ARHGAP15: variants seen among roughly 807,000 people sequenced by gnomAD.
ARHGAP15 encodes Rho GTPase activating protein 15, also known as rho GTPase-activating protein 15.
A neutral mutation model predicts 63.7 loss-of-function variants in ARHGAP15; 51 were observed. The ratio of observed to expected loss-of-function variants is 0.80; its 90% CI spans 0.64 to 1.01. The LOEUF (loss-of-function observed/expected upper bound fraction) is 1.01, where lower values mean the gene tolerates loss of function less well. Among genes scored for constraint, ARHGAP15 ranks in the 50% least tolerant of loss-of-function variants. ARHGAP15 has a pLI of 0.00. For missense variants in ARHGAP15, 560 were observed against 564.6 expected (o/e 0.99, Z 0.08); for synonymous variants, 191 against 193.8 (o/e 0.99, Z 0.12).
chr2:143,363,280 C>T (rs1460797261), intron 6 of ARHGAP15, among the ~76,000 whole-genome samples: 1 of 152,178 alleles, frequency 6.6e-6, no homozygotes, highest in Non-Finnish European at 1.5e-5. Flanking sequence ...GTGGCTTATG[C>T]CTCTAATCCC....
chr2:143,461,308 AG>A (rs1295736927), intron 8 of ARHGAP15, among the ~76,000 whole-genome samples: 1,636 of 147,088 alleles, frequency 0.011, 23 homozygotes, highest in Non-Finnish European at 0.02. Context: ...AAAAAAAAAC[AG>A]AACTCAAGCC....
At chr2:143,168,663 G>A (rs745679912) in intron 2 of ARHGAP15, among the ~76,000 whole-genome samples, 6 of 150,100 alleles carry the variant, frequency 4.0e-5, no homozygotes, top group Non-Finnish European at 9.0e-5. Flanking sequence ...AACTTGAAGA[G>A]ACGCTACTTT....
At chr2:143,750,728 G>A (rs1311028506) in intron 13 of ARHGAP15, among the ~76,000 whole-genome samples, 6 of 152,166 alleles carry the variant, frequency 3.9e-5, no homozygotes, top group Admixed American at 2.0e-4. Flanking sequence ...ACTGCAAGCC[G>A]TTTGCAACAG....
intron 12 of ARHGAP15, among the ~76,000 whole-genome samples, chr2:143,693,077 G>A (rs185149102): frequency 3.9e-5 from 6 of 151,984 alleles, no homozygotes; most frequent in Admixed American, 2.6e-4. Context: ...ATCCAGACTC[G>A]GGAATCTGGT....
At chr2:143,345,139 T>TG (rs1370016512) in intron 6 of ARHGAP15, among the ~76,000 whole-genome samples, 1 of 152,128 alleles carries the variant, frequency 6.6e-6, no homozygotes, top group Non-Finnish European at 1.5e-5. Flanking sequence ...TATTAGCAAG[T>TG]GGATTTATTT....
intron 8 of ARHGAP15, among the ~76,000 whole-genome samples, chr2:143,464,748 T>C (rs1691120701): frequency 6.6e-6 from 1 of 152,156 alleles, no homozygotes; most frequent in Admixed American, 6.6e-5. Context: ...TTATAGGCTG[T>C]ACCCTCATAA....
intron 6 of ARHGAP15, among the ~76,000 whole-genome samples, chr2:143,320,350 C>T (rs12475517): frequency 0.23 from 33,728 of 146,334 alleles, 4,388 homozygotes; most frequent in East Asian, 0.45. Flanking sequence ...CTAAAATGGC[C>T]GCAATGGGAA....
At position 143,519,279 on chromosome 2, in the gene ARHGAP15, C is replaced by T. The variant is rs147986323; in HGVS notation, c.840C>T (p.Gly280=). 1 of 1,612,562 alleles carries T rather than the reference C, an allele frequency of 6.2e-7. No homozygotes were observed. The highest frequency in any genetic ancestry group is 2.2e-5 in the East Asian group (1 of 44,810). The stretch of plus-strand genomic sequence containing the variant: ...TTTCTTTTGCAGATCAAATTTTTGG[C>T]TCTCATCTGCACAAAGTGTGTGAAC... ...EKGLIKDQIF[G]SHLHKVCERE... Residue 280 remains glycine (G), a synonymous_variant, in exon 10 of 14, where the codon GGC becomes GGT. Coordinates refer to ENST00000295095, the MANE Select transcript of ARHGAP15 (RefSeq NM_018460.4).
At chr2:143,377,982 CAG>C (rs1012479679) in intron 6 of ARHGAP15, among the ~76,000 whole-genome samples, 11 of 152,116 alleles carry the variant, frequency 7.2e-5, no homozygotes, top group African/African-American at 2.6e-4. Flanking sequence ...TTAATACACT[CAG>C]AATGTCATAA....
rs1558825544 is a variant in ARHGAP15 at position 143,225,831 on chromosome 2, G to A, written c.297-2750G>A. ...GCATAAACTAGATGATCAGGTTTAC[G>A]CTAGGTATTCTAAATAATTTATGCT... On this transcript the variant is annotated intron_variant, in intron 4 of 13. Coordinates refer to ENST00000295095, the MANE Select transcript of ARHGAP15 (RefSeq NM_018460.4). Among the ~76,000 whole-genome samples the A allele has an allele frequency of 3.3e-5, 5 of 152,160 alleles. No homozygotes were observed. In the South Asian group the frequency reaches 1.0e-3, roughly 32 times the overall value.
intron 1 of ARHGAP15, among the ~76,000 whole-genome samples, chr2:143,153,882 C>CTCCTCCTCCTCT (rs1689972791): frequency 1.2e-5 from 1 of 80,682 alleles, no homozygotes; most frequent in Non-Finnish European, 2.9e-5. Flanking sequence ...CTTCCTCCTC[C>CTCCTCCTCCTCT]TCCTCCTCCT....
chr2:143,259,472 CTT>C (rs1680603548), intron 6 of ARHGAP15, among the ~76,000 whole-genome samples: 1 of 152,098 alleles, frequency 6.6e-6, no homozygotes, highest in Admixed American at 6.6e-5. Flanking sequence ...CAAATTTGTC[CTT>C]TTACTAAAGT....
chr2:143,377,256 A>G (rs1041172581), intron 6 of ARHGAP15, among the ~76,000 whole-genome samples: 1 of 152,044 alleles, frequency 6.6e-6, no homozygotes, highest in Non-Finnish European at 1.5e-5. Flanking sequence ...GTAGGAAGAA[A>G]CTTTAGTGAT....
chr2:143,554,458 T>C (rs959268417), intron 10 of ARHGAP15, among the ~76,000 whole-genome samples: 9 of 152,080 alleles, frequency 5.9e-5, no homozygotes, highest in African/African-American at 2.2e-4. Context: ...CTGAGGGTGA[T>C]TTTAGAGAAG....
At chr2:143,733,199 T>A (rs769580806) in intron 13 of ARHGAP15, among the ~76,000 whole-genome samples, 2 of 152,240 alleles carry the variant, frequency 1.3e-5, no homozygotes, top group Non-Finnish European at 2.9e-5. Context: ...GAGTACTTAT[T>A]ATCAAATCGT....
At chr2:143,542,344 C>A (rs977968416) in intron 10 of ARHGAP15, among the ~76,000 whole-genome samples, 2 of 151,826 alleles carry the variant, frequency 1.3e-5, no homozygotes, top group Admixed American at 6.6e-5. Flanking sequence ...CGATGCCTCG[C>A]CCTGCTTCGG....
intron 10 of ARHGAP15, among the ~76,000 whole-genome samples, chr2:143,540,965 A>G (rs1695020477): frequency 6.6e-6 from 1 of 152,204 alleles, no homozygotes; most frequent in Non-Finnish European, 1.5e-5. Context: ...AATATCCTGC[A>G]GAGTGTTTTC....
In ARHGAP15 at chr2:143,372,180, A is replaced by C. The variant is rs184135369; in HGVS notation, c.475-63421A>C. Among the ~76,000 whole-genome samples, 13 of 151,826 alleles carry C rather than the reference A, an allele frequency of 8.6e-5. No individual in the cohort carries two copies. In the East Asian group the frequency reaches 2.5e-3, roughly 29 times the overall value. Reference sequence around the variant, plus strand: ...ATAGTGAAACCCCATCTCTACGAAAAATAGAGAAAAAAATAGCCAGGCATG... The same window carrying C: ...ATAGTGAAACCCCATCTCTACGAAACATAGAGAAAAAAATAGCCAGGCATG... On this transcript the variant is annotated intron_variant, in intron 6 of 13. Coordinates refer to ENST00000295095, the MANE Select transcript of ARHGAP15 (RefSeq NM_018460.4).
At chr2:143,279,611 A>G (rs1465074997) in intron 6 of ARHGAP15, among the ~76,000 whole-genome samples, 1 of 152,132 alleles carries the variant, frequency 6.6e-6, no homozygotes, top group African/African-American at 2.4e-5. Flanking sequence ...ATACATTTTT[A>G]TATTTAGATT....
Sources: gnomAD v4.1 joint callset for allele counts (sites outside exome capture counted in the v4.1 genomes callset) on GRCh38, gnomAD v4.1.1 for gene constraint, MANE v1.5 for transcripts, NCBI Gene and HGNC (gene_info 2026-07-23, HGNC 2026-07-21) for gene names.